Variants in NUP133 observed in about 807,000 individuals in gnomAD.
The protein encoded by NUP133 is nucleoporin 133, also known as nuclear pore complex protein Nup133.
Under a neutral mutation model 146.2 loss-of-function variants are expected in NUP133, and 66 were observed. The ratio of observed to expected loss-of-function variants is 0.45; its 90% CI spans 0.37 to 0.55. The LOEUF (loss-of-function observed/expected upper bound fraction) is 0.55. NUP133 is among the 20% of genes least tolerant of loss of function. NUP133 has a pLI of 0.00. For synonymous variants in NUP133, 521 were observed against 498.8 expected, an observed-to-expected ratio of 1.04 and a Z score of -0.59; for missense variants, 1,277 against 1,374.8, an observed-to-expected ratio of 0.93 and a Z score of 1.12.
chr1:229,458,207 T>C lies in NUP133; in HGVS notation c.2934A>G (p.Ala978=). 3.1e-6 allele frequency: 5 copies of C among 1,613,772 alleles called. No homozygotes were observed. In the South Asian group the frequency reaches 4.4e-5, roughly 14 times the overall value. Residue 978 remains alanine (A), a synonymous_variant, in exon 21 of 26, where the codon GCA becomes GCG. Coordinates refer to ENST00000261396, the MANE Select transcript of NUP133 (RefSeq NM_018230.3). ...TATCCTCTGAAAAGTCTGAAGCTAA[T>C]GCAGCCAATTTACTCAAGCCAAGAA... ...KTLLGLSKLA[A]LASDFSEDML...
chr1:229,481,575 G>C (rs891776102), intron 12 of NUP133, among the ~76,000 whole-genome samples: 1 of 151,798 alleles, frequency 6.6e-6, no homozygotes, highest in Non-Finnish European at 1.5e-5. Flanking sequence ...GGGCATGGCA[G>C]TGTGCACCTG....
intron 14 of NUP133, among the ~76,000 whole-genome samples, chr1:229,474,101 G>A (rs1661017557): frequency 6.6e-6 from 1 of 152,170 alleles, no homozygotes; most frequent in Non-Finnish European, 1.5e-5. Flanking sequence ...AGCCAGTCCA[G>A]CCCAGAGCAG....
chr1:229,507,682 T>A (rs1217087882), intron 1 of NUP133, among the ~76,000 whole-genome samples: 1 of 152,224 alleles, frequency 6.6e-6, no homozygotes, highest in Admixed American at 6.5e-5. Flanking sequence ...TCACCTTACA[T>A]CTGCATCGTG....
chr1:229,480,852 ATTTTTTTTTT>A (rs5781543), intron 12 of NUP133, among the ~76,000 whole-genome samples: 5 of 125,890 alleles, frequency 4.0e-5, no homozygotes, highest in Non-Finnish European at 6.8e-5. Context: ...ACACCCAGCT[ATTTTTTTTTT>A]TTTTTTTTTT....
rs200615639 is a variant in NUP133, at chr1:229,499,634, A to C, written c.648+50T>G. 15 of 1,555,234 alleles carry C rather than the reference A, an allele frequency of 9.6e-6. No individual in the cohort carries two copies. In the East Asian group the frequency reaches 3.4e-4, roughly 35 times the overall value. ...AAAATAAAAACAAAAATTTATTTCC[A>C]AGCCAAATCACAGCTTTCCAATAAA... On this transcript the variant is annotated intron_variant, in intron 5 of 25. Transcript: ENST00000261396.
chr1:229,505,564 T>TAAAAAAAAAAAAAAAAAA (rs56383157), intron 2 of NUP133, among the ~76,000 whole-genome samples: 1 of 63,220 alleles, frequency 1.6e-5, no homozygotes, highest in African/African-American at 5.9e-5. Flanking sequence ...CAATTACAGT[T>TAAAAAAAAAAAAAAAAAA]AAAAAAAAAA....
chr1:229,486,249 G>C (rs1045808157), intron 11 of NUP133, 122 bp downstream of exon 11: 2 of 820,306 alleles, frequency 2.4e-6, no homozygotes, highest in Non-Finnish European at 3.6e-6. Context: ...TTGAGGCCAG[G>C]AGTTTGGGGC....
intron 15 of NUP133, 57 bp downstream of exon 15, chr1:229,470,523 G>A: frequency 7.3e-7 from 1 of 1,377,004 alleles, no homozygotes; most frequent in Non-Finnish European, 1.0e-6. Flanking sequence ...CCTGCCTAGG[G>A]CATGATCACT....
At chr1:229,460,862 A>C in intron 19 of NUP133, 93 bp from the exon 20 acceptor site, 2 of 983,040 alleles carry the variant, frequency 2.0e-6, no homozygotes, top group Non-Finnish European at 3.0e-6. Flanking sequence ...GGCCTCCAAA[A>C]CAGAAAACCT....
intron 8 of NUP133, among the ~76,000 whole-genome samples, chr1:229,492,350 G>A (rs1224939013): frequency 6.6e-6 from 1 of 151,790 alleles, no homozygotes; most frequent in East Asian, 1.9e-4. Context: ...CAGGTGATCC[G>A]CCCACCTCAG....
In NUP133 at chr1:229,464,847, C is replaced by T. The variant is rs145286911; in HGVS notation, c.2328G>A (p.Thr776=). ...CAATCTCATGCTGGCGTATTATTACCGTTCGGATGCCACCAGGACCACTTG... is the reference window on the plus strand; with the variant it reads ...CAATCTCATGCTGGCGTATTATTACTGTTCGGATGCCACCAGGACCACTTG... ...TATSGPGGIR[T]VIIRQHEIVL... The change falls in exon 18 of 26, where the codon ACG becomes ACA. Residue 776 remains threonine, a synonymous_variant. Transcript: ENST00000261396. 1.0e-4 allele frequency: 163 copies of T among 1,614,138 alleles called. 3 individuals carry two copies. The highest frequency in any genetic ancestry group is 7.2e-4 in the South Asian group (66 of 91,068).
intron 22 of NUP133, among the ~76,000 whole-genome samples, chr1:229,451,572 C>T (rs1303422760): frequency 6.6e-6 from 1 of 152,142 alleles, no homozygotes; most frequent in African/African-American, 2.4e-5. Flanking sequence ...CAGAAAAATA[C>T]TTGCCTTATT....
Position 229,484,147 on chromosome 1 carries a change from T to C in NUP133, c.1501-2A>G. The C allele has an allele frequency of 6.2e-7, 1 of 1,603,946 alleles. No individual in the cohort carries two copies. Among genetic ancestry groups the C allele is most frequent in the South Asian group, 1.1e-5 (1 of 90,630 alleles). On this transcript the variant is annotated splice_acceptor_variant, in intron 11 of 25. Transcript: ENST00000261396. LOFTEE classifies it high-confidence loss of function. ...TGTAGTGGTCTCAAAAATCATACTCTGCAAAATAACAAAGTATAGTTTAGA... is the reference window on the plus strand; with the variant it reads ...TGTAGTGGTCTCAAAAATCATACTCCGCAAAATAACAAAGTATAGTTTAGA...
intron 22 of NUP133, among the ~76,000 whole-genome samples, chr1:229,451,800 A>G (rs1466851602): frequency 6.6e-6 from 1 of 152,146 alleles, no homozygotes; most frequent in Non-Finnish European, 1.5e-5. Flanking sequence ...CTGAAATTGG[A>G]CTGTGGTATT....
At chr1:229,450,460 A>C (rs113499887) in intron 23 of NUP133, 65 bp downstream of exon 23, 14 of 773,728 alleles carry the variant, frequency 1.8e-5, no homozygotes, top group African/African-American at 1.6e-4. Context: ...TGACTAAAAG[A>C]GGGATCTCCC....
At chr1:229,466,816 T>C (rs1324977676) in intron 15 of NUP133, 60 bp from the exon 16 acceptor site, 1 of 1,556,478 alleles carries the variant, frequency 6.4e-7, no homozygotes, top group South Asian at 1.1e-5. Flanking sequence ...GGGTAACAAC[T>C]ACCCAGTGAG....
At chr1:229,473,090 G>C (rs1405305002) in intron 14 of NUP133, among the ~76,000 whole-genome samples, 1 of 151,826 alleles carries the variant, frequency 6.6e-6, no homozygotes, top group Non-Finnish European at 1.5e-5. Context: ...TGTCTCTACA[G>C]CAAATAAAAA....
chr1:229,502,038 C>A lies in NUP133; in HGVS notation c.366G>T (p.Lys122Asn), dbSNP rs1661814071. ...ACAGAGCAATCTTCCAAATAATGAG[C>A]TTCTCTTTGCACACCAGACAAGCCC... ...GGWACLVCKE[K>N]LIIWKIALSP... is the part of the protein sequence containing the mutation. The change falls in exon 3 of 26, where the codon AAG (lysine) becomes AAT (asparagine). Residue 122 changes from lysine to asparagine, a missense_variant. Physicochemically the swap from Lys to Asn is moderately conservative, Grantham distance 94. This residue lies in a region of NUP133 where 319 missense variants were observed against 306.9 expected (regional missense o/e 1.04). Transcript: ENST00000261396. 6.2e-7 allele frequency: 1 copy of A among 1,613,948 alleles called. No homozygotes were observed. Among genetic ancestry groups the A allele is most frequent in the South Asian group, 1.1e-5 (1 of 91,086 alleles).
At chr1:229,495,362 G>A (rs953854581) in intron 8 of NUP133, 133 bp downstream of exon 8, 17 of 658,164 alleles carry the variant, frequency 2.6e-5, no homozygotes, top group Non-Finnish European at 4.5e-5. Flanking sequence ...CTGTATTCCA[G>A]CCCGGGTGAT....
Sources: allele counts gnomAD v4.1 joint callset (sites outside exome capture counted in the v4.1 genomes callset), GRCh38; gene constraint gnomAD v4.1.1; regional missense constraint gnomAD v4.1.1; transcripts MANE v1.5; gene names NCBI Gene and HGNC (gene_info 2026-07-23, HGNC 2026-07-21).